Variants in RORA observed in about 807,000 individuals in gnomAD.
RORA encodes the protein nuclear receptor ROR-alpha.
A neutral mutation model predicts 69.5 loss-of-function variants in RORA; 7 were observed. The observed-to-expected ratio is 0.10, with a 90% CI of 0.06 to 0.19. The LOEUF is 0.19. Among genes scored for constraint, RORA ranks in the 10% least tolerant of loss-of-function variants. The pLI is 1.00. For missense variants in RORA, 457 were observed against 663.0 expected (o/e 0.69, Z 3.41); for synonymous variants, 261 against 240.8 (o/e 1.08, Z -0.78).
chr15:60,602,787 T>C (rs1233256368), intron 2 of RORA, among the ~76,000 whole-genome samples: 1 of 152,230 alleles, frequency 6.6e-6, no homozygotes, highest in Admixed American at 6.5e-5. Context: ...TATTAAAATA[T>C]AATTTACATG....
At chr15:60,712,139 T>C (rs1305199728) in intron 1 of RORA, among the ~76,000 whole-genome samples, 1 of 152,196 alleles carries the variant, frequency 6.6e-6, no homozygotes, top group Non-Finnish European at 1.5e-5. Flanking sequence ...ATAGGACATG[T>C]TGATAATATC....
chr15:60,704,875 GC>G (rs1163348263), intron 1 of RORA, among the ~76,000 whole-genome samples: 1 of 152,140 alleles, frequency 6.6e-6, no homozygotes, highest in Non-Finnish European at 1.5e-5. Context: ...TGGTAAATGA[GC>G]TTGCACACGA....
intron 1 of RORA, among the ~76,000 whole-genome samples, chr15:60,963,003 A>G (rs1042808968): frequency 1.3e-5 from 2 of 152,226 alleles, no homozygotes; most frequent in African/African-American, 4.8e-5. Context: ...GAAATAGCTT[A>G]AGTAAATGTA....
chr15:60,946,352 C>T (rs1892872985), intron 1 of RORA, among the ~76,000 whole-genome samples: 2 of 152,218 alleles, frequency 1.3e-5, no homozygotes, highest in South Asian at 4.1e-4. Context: ...CATCTCTGCT[C>T]ACTGCAACCT....
chr15:61,103,744 C>A (rs977259978), intron 1 of RORA, among the ~76,000 whole-genome samples: 1 of 152,174 alleles, frequency 6.6e-6, no homozygotes, highest in Non-Finnish European at 1.5e-5. Flanking sequence ...CAGATAAAGA[C>A]CTTTATGTGT....
intron 1 of RORA, among the ~76,000 whole-genome samples, chr15:60,744,254 G>A (rs1379110613): frequency 6.6e-6 from 1 of 152,114 alleles, no homozygotes; most frequent in African/African-American, 2.4e-5. Context: ...GATATACGTT[G>A]CTTTTAAATT....
chr15:60,840,993 C>T (rs528594364), intron 1 of RORA: 213 of 611,798 alleles, frequency 3.5e-4, no homozygotes, highest in Non-Finnish European at 4.2e-4. Flanking sequence ...ACAATACCAC[C>T]TCCTTCCTCG....
intron 1 of RORA, among the ~76,000 whole-genome samples, chr15:60,768,220 T>C (rs2072019319): frequency 6.6e-6 from 1 of 152,232 alleles, no homozygotes; most frequent in Non-Finnish European, 1.5e-5. Flanking sequence ...GGCAATGCAC[T>C]CACTACTTCC....
chr15:61,199,432 C>CA (rs1459593167), intron 1 of RORA, among the ~76,000 whole-genome samples: 4 of 152,002 alleles, frequency 2.6e-5, no homozygotes, highest in Non-Finnish European at 5.9e-5. Context: ...CTCTGTATCC[C>CA]AAAAAACCCA....
chr15:60,865,705 GC>G (rs2073479671), intron 1 of RORA, among the ~76,000 whole-genome samples: 1 of 152,082 alleles, frequency 6.6e-6, no homozygotes, highest in South Asian at 2.1e-4. Context: ...CAGTACGAAG[GC>G]CAACCCTTCC....
At chr15:60,954,700 T>C (rs1893216843) in intron 1 of RORA, among the ~76,000 whole-genome samples, 1 of 152,244 alleles carries the variant, frequency 6.6e-6, no homozygotes, top group Non-Finnish European at 1.5e-5. Flanking sequence ...CCAAATCTTC[T>C]TGAACTATTA....
intron 1 of RORA, among the ~76,000 whole-genome samples, chr15:60,834,079 C>A (rs1037154142): frequency 2.0e-5 from 3 of 152,130 alleles, no homozygotes; most frequent in Non-Finnish European, 4.4e-5. Flanking sequence ...GAATGACAGC[C>A]CCATAAATCT....
At chr15:60,608,625 T>TA (rs1231661726) in intron 2 of RORA, among the ~76,000 whole-genome samples, 1 of 152,212 alleles carries the variant, frequency 6.6e-6, no homozygotes, top group African/African-American at 2.4e-5. Context: ...TTGGCAAGTG[T>TA]AAGGAAAGTT....
intron 1 of RORA, among the ~76,000 whole-genome samples, chr15:61,222,565 G>A (rs1410338393): frequency 6.6e-6 from 1 of 152,152 alleles, no homozygotes; most frequent in East Asian, 1.9e-4. Flanking sequence ...CCAAAATCAA[G>A]AGAGAAATAA....
At chr15:60,762,448 C>T (rs944717710) in intron 1 of RORA, among the ~76,000 whole-genome samples, 2 of 152,110 alleles carry the variant, frequency 1.3e-5, no homozygotes, top group African/African-American at 4.8e-5. Context: ...TGGGCCTTGC[C>T]CCATCTATGG....
chr15:60,837,108 G>C (rs1288795212), intron 1 of RORA, among the ~76,000 whole-genome samples: 1 of 149,894 alleles, frequency 6.7e-6, no homozygotes, highest in Admixed American at 6.7e-5. Context: ...CTGGGCTCAA[G>C]AGATCCTCCC....
chr15:61,125,022 G>A (rs747617041), intron 1 of RORA, among the ~76,000 whole-genome samples: 3 of 152,192 alleles, frequency 2.0e-5, no homozygotes, highest in Non-Finnish European at 4.4e-5. Flanking sequence ...TGGAAAGGGA[G>A]GGGATCAATT....
chr15:60,779,411 C>T (rs962708784), intron 1 of RORA, among the ~76,000 whole-genome samples: 2 of 152,210 alleles, frequency 1.3e-5, no homozygotes, highest in Non-Finnish European at 2.9e-5. Context: ...TCTAATGCAT[C>T]TCTCCATAAG....
At chr15:61,133,274 A>C (rs1220127038) in intron 1 of RORA, among the ~76,000 whole-genome samples, 2 of 152,208 alleles carry the variant, frequency 1.3e-5, no homozygotes, top group African/African-American at 2.4e-5. Context: ...TGTAAAGAGA[A>C]AGCCATTCTT....
Sources: allele counts gnomAD v4.1 joint callset (sites outside exome capture counted in the v4.1 genomes callset), GRCh38; gene constraint gnomAD v4.1.1; transcripts MANE v1.5; gene names NCBI Gene and HGNC (gene_info 2026-07-23, HGNC 2026-07-21).